GRM8: variants seen among roughly 807,000 people sequenced by gnomAD.
GRM8 encodes glutamate metabotropic receptor 8.
Under a neutral mutation model 87.2 loss-of-function variants are expected in GRM8, and 47 were observed. The observed-to-expected ratio is 0.54, with a 90% confidence interval of 0.43 to 0.69. The LOEUF is 0.69. GRM8 is among the 30% of genes least tolerant of loss of function. The probability of loss-of-function intolerance (pLI) is 0.00; values close to 1 mark genes in which losing one functional copy is unlikely to be tolerated. For synonymous variants in GRM8, 396 were observed against 404.5 expected (o/e 0.98, Z 0.25); for missense variants, 1,019 against 1,139.2 (o/e 0.89, Z 1.52).
At chr7:127,173,611 A>C (rs2116345173) in intron 2 of GRM8, among the ~76,000 whole-genome samples, 1 of 152,202 alleles carries the variant, frequency 6.6e-6, no homozygotes, top group African/African-American at 2.4e-5. Context: ...ACATGATACA[A>C]CTCATGATGT....
At chr7:126,580,249 T>A (rs1795485865) in intron 8 of GRM8, among the ~76,000 whole-genome samples, 1 of 152,148 alleles carries the variant, frequency 6.6e-6, no homozygotes, top group Non-Finnish European at 1.5e-5. Context: ...CAAGTTGAAA[T>A]CCAAACTCCA....
At chr7:126,546,737 C>T (rs567434743) in intron 8 of GRM8, among the ~76,000 whole-genome samples, 14 of 152,166 alleles carry the variant, frequency 9.2e-5, no homozygotes, top group Admixed American at 1.3e-4. Context: ...CCTAGTGATT[C>T]CTTTTCCCTC....
chr7:127,212,575 G>A (rs1361350712), intron 2 of GRM8, among the ~76,000 whole-genome samples: 2 of 151,804 alleles, frequency 1.3e-5, no homozygotes, highest in African/African-American at 2.4e-5. Flanking sequence ...CCGCCACTAC[G>A]TCCGGCTAAT....
At chr7:126,682,286 C>A (rs1172993523) in intron 7 of GRM8, among the ~76,000 whole-genome samples, 1 of 152,192 alleles carries the variant, frequency 6.6e-6, no homozygotes, top group East Asian at 1.9e-4. Context: ...TGACTGAATG[C>A]ATGAATGGAG....
rs374462810 is a variant in GRM8 at position 126,861,310 on chromosome 7, T to C, written c.1156+41232A>G. ...GAAGATATAGTGCATTTATTTTAAC[T>C]CTTACATAATATGTCATATATAAAT... On this transcript the variant is annotated intron_variant, in intron 6 of 10. Coordinates refer to ENST00000339582, the MANE Select transcript of GRM8 (RefSeq NM_000845.3). Among the ~76,000 whole-genome samples, 92 of 152,244 alleles carry C rather than the reference T, an allele frequency of 6.0e-4. 4 individuals carry two copies. The South Asian group carries it at 0.018, about 31-fold the overall frequency.
chr7:126,502,336 T>C (rs1295252497), intron 9 of GRM8, among the ~76,000 whole-genome samples: 1 of 152,040 alleles, frequency 6.6e-6, no homozygotes, highest in Non-Finnish European at 1.5e-5. Flanking sequence ...AAAACAAATG[T>C]AGTTTAGAAG....
intron 3 of GRM8, among the ~76,000 whole-genome samples, chr7:127,090,048 C>A (rs77167562): frequency 1.6e-3 from 242 of 152,300 alleles, no homozygotes; most frequent in Non-Finnish European, 2.3e-3. Context: ...ATCCTCCATG[C>A]CTGGGACCTT....
intron 8 of GRM8, among the ~76,000 whole-genome samples, chr7:126,573,218 G>A (rs1301082069): frequency 6.6e-6 from 1 of 152,048 alleles, no homozygotes; most frequent in Non-Finnish European, 1.5e-5. Context: ...TCCTATTAGA[G>A]TCAACCCAGG....
intron 6 of GRM8, among the ~76,000 whole-genome samples, chr7:126,783,629 G>A (rs1563183916): frequency 6.6e-6 from 1 of 152,104 alleles, no homozygotes; most frequent in Non-Finnish European, 1.5e-5. Context: ...TAGAAATCAA[G>A]TTCATTGCAA....
At chr7:127,239,937 G>A (rs983781742) in intron 2 of GRM8, among the ~76,000 whole-genome samples, 14 of 152,322 alleles carry the variant, frequency 9.2e-5, no homozygotes, top group African/African-American at 3.4e-4. Context: ...ATTTGCTTCT[G>A]TAGGTTAAAC....
rs1441390553 is a variant in GRM8 at position 127,100,848 on chromosome 7, T to C, written c.727+5648A>G. ...AGAAAAACCATATCACATACCTTTA[T>C]ATGAAAGCTTCTCCCCATGAGTCCA... is the stretch of plus-strand genomic sequence containing the variant. On this transcript the variant is annotated intron_variant, in intron 3 of 10. Coordinates refer to ENST00000339582, the MANE Select transcript of GRM8 (RefSeq NM_000845.3). 2.6e-5 allele frequency among the ~76,000 whole-genome samples: 4 copies of C among 152,204 alleles called. No homozygotes were observed. In the East Asian group the frequency reaches 7.7e-4, roughly 29 times the overall value.
intron 3 of GRM8, among the ~76,000 whole-genome samples, chr7:126,942,144 G>A (rs1056259867): frequency 6.6e-6 from 1 of 151,756 alleles, no homozygotes; most frequent in Admixed American, 6.6e-5. Flanking sequence ...ACATGAGCAA[G>A]CAAATTTCCA....
At chr7:126,692,224 G>C (rs865851963) in intron 7 of GRM8, among the ~76,000 whole-genome samples, 5 of 152,210 alleles carry the variant, frequency 3.3e-5, no homozygotes, top group Admixed American at 6.5e-5. Context: ...AGTTCTATGT[G>C]TATCACTAAA....
rs188085324 is a variant in GRM8, at chr7:126,782,820, C to T, written c.1157-12755G>A. Among the ~76,000 whole-genome samples the T allele has an allele frequency of 1.7e-3, 257 of 152,306 alleles. 1 individual carries two copies. The highest frequency in any genetic ancestry group is 6.0e-3 in the African/African-American group (249 of 41,564). ...AATTCTTGCCTCTGTACAATGCAGT[C>T]AATCCTCTGGATGACTGACTAGGTC... On this transcript the variant is annotated intron_variant, in intron 6 of 10. Coordinates refer to ENST00000339582, the MANE Select transcript of GRM8 (RefSeq NM_000845.3).
At chr7:126,776,898 T>C (rs1819538262) in intron 6 of GRM8, among the ~76,000 whole-genome samples, 1 of 152,150 alleles carries the variant, frequency 6.6e-6, no homozygotes, top group East Asian at 1.9e-4. Context: ...CCTTATACTT[T>C]CTAAGATCCC....
intron 6 of GRM8, among the ~76,000 whole-genome samples, chr7:126,850,756 A>G (rs1030135757): frequency 2.0e-5 from 3 of 152,150 alleles, no homozygotes; most frequent in Non-Finnish European, 4.4e-5. Flanking sequence ...AAAAATATTC[A>G]TGTTTTGTCT....
At chr7:127,126,935 T>C (rs1205508663) in intron 2 of GRM8, among the ~76,000 whole-genome samples, 3 of 151,760 alleles carry the variant, frequency 2.0e-5, no homozygotes, top group Admixed American at 2.0e-4. Context: ...TGAACAGAAA[T>C]TCAGAAGAGA....
At position 126,634,907 on chromosome 7, in the gene GRM8, C is replaced by G. The variant is rs369048216; in HGVS notation, c.1358-25409G>C. Among the ~76,000 whole-genome samples, 12 of 152,224 alleles carry G rather than the reference C, an allele frequency of 7.9e-5. No individual in the cohort carries two copies. The East Asian group carries it at 2.3e-3, about 29-fold the overall frequency. On this transcript the variant is annotated intron_variant, in intron 7 of 10. Transcript: ENST00000339582. The stretch of plus-strand genomic sequence containing the variant: ...TAAATAATCTCCATGAGGGTCATGA[C>G]TAGACAACCATCCAAAGAGAGAAGG...
intron 9 of GRM8, among the ~76,000 whole-genome samples, chr7:126,483,524 A>G (rs547659134): frequency 1.7e-5 from 2 of 120,310 alleles, no homozygotes; most frequent in East Asian, 5.0e-4. Flanking sequence ...TTTATGATCT[A>G]TTGAAGGGCT....
Sources: gnomAD v4.1 joint callset for allele counts (sites outside exome capture counted in the v4.1 genomes callset) on GRCh38, gnomAD v4.1.1 for gene constraint, MANE v1.5 for transcripts, NCBI Gene and HGNC (gene_info 2026-07-23, HGNC 2026-07-21) for gene names.